BCOR: variants seen among roughly 807,000 people sequenced by gnomAD.
BCOR encodes BCL-6 corepressor.
Under a neutral mutation model 86.7 loss-of-function variants are expected in BCOR, and 10 were observed. The observed-to-expected ratio is 0.12, with a 90% CI of 0.07 to 0.20. The LOEUF (loss-of-function observed/expected upper bound fraction) is 0.20, where lower values mean the gene tolerates loss of function less well. Among genes scored for constraint, BCOR ranks in the 10% least tolerant of loss-of-function variants. The pLI is 1.00. For missense variants in BCOR, 1,259 were observed against 1,452.1 expected (o/e 0.87, Z 2.16); for synonymous variants, 611 against 609.0 (o/e 1.00, Z -0.05).
chrX:40,109,197 C>T (rs1937252236), intron 1 of BCOR, among the ~76,000 whole-genome samples: 1 of 112,159 alleles, frequency 8.9e-6, no homozygotes, highest in Admixed American at 9.2e-5. Context: ...CTCCCGGGTG[C>T]GCCCGGGAAC....
chrX:40,166,166 C>T (rs1049420317), intron 1 of BCOR, among the ~76,000 whole-genome samples: 2 of 111,894 alleles, frequency 1.8e-5, no homozygotes, highest in African/African-American at 3.3e-5. Flanking sequence ...CTTGTGATCT[C>T]CCATCTTGAT....
chrX:40,065,498 C>G (rs1935154411), intron 6 of BCOR, among the ~76,000 whole-genome samples: 1 of 112,136 alleles, frequency 8.9e-6, no homozygotes, highest in Admixed American at 9.4e-5. Flanking sequence ...CTTCCCATGC[C>G]AGGCCAGCGC....
At chrX:40,166,629 G>A (rs371700517) in intron 1 of BCOR, among the ~76,000 whole-genome samples, 1 of 112,520 alleles carries the variant, frequency 8.9e-6, no homozygotes, top group East Asian at 2.8e-4. Flanking sequence ...TGGCTCAGGT[G>A]GAAAGTGGGC....
At chrX:40,167,767 C>T (rs1283885442) in intron 1 of BCOR, among the ~76,000 whole-genome samples, 1 of 112,372 alleles carries the variant, frequency 8.9e-6, no homozygotes, top group African/African-American at 3.2e-5. Flanking sequence ...TAATAAAGGG[C>T]CACGGACTCC....
intron 1 of BCOR, among the ~76,000 whole-genome samples, chrX:40,130,088 G>A (rs1027700275): frequency 2.7e-5 from 3 of 110,876 alleles, no homozygotes; most frequent in East Asian, 2.8e-4. Flanking sequence ...ACCACCCTCC[G>A]GGCCTTCTCC....
intron 1 of BCOR, among the ~76,000 whole-genome samples, chrX:40,106,548 G>A (rs1420594370): frequency 1.1e-5 from 1 of 91,432 alleles, no homozygotes; most frequent in African/African-American, 4.0e-5. Flanking sequence ...CCGCGCTCCC[G>A]CCTCCCGCCC....
intron 1 of BCOR, among the ~76,000 whole-genome samples, chrX:40,107,974 GC>G (rs1385945141): frequency 8.8e-6 from 1 of 113,423 alleles, no homozygotes; most frequent in African/African-American, 3.2e-5. Context: ...TGTTTGTGTT[GC>G]CTTCTACAAG....
In BCOR at chrX:40,057,146, A is replaced by C. The variant is rs770555045; in HGVS notation, c.4595+9T>G. 5 of 1,209,062 alleles carry C rather than the reference A, an allele frequency of 4.1e-6. No homozygotes were observed. The African/African-American group carries it at 8.7e-5, about 21-fold the overall frequency. ...CAGAGCCAGGCTGAGAACAAGACACATCACTGACCTGGTTCCATCCTGGGC... is the reference window on the plus strand; with the variant it reads ...CAGAGCCAGGCTGAGAACAAGACACCTCACTGACCTGGTTCCATCCTGGGC... On this transcript the variant is annotated intron_variant, in intron 11 of 14. Transcript: ENST00000378444.
At chrX:40,173,888 G>A (rs1938685038) in intron 1 of BCOR, among the ~76,000 whole-genome samples, 1 of 113,136 alleles carries the variant, frequency 8.8e-6, no homozygotes, top group East Asian at 2.8e-4. Context: ...CGTATGGCAG[G>A]CCTTGTCCCT....
intron 1 of BCOR, among the ~76,000 whole-genome samples, chrX:40,109,629 G>A (rs1937263475): frequency 9.1e-6 from 1 of 110,429 alleles, no homozygotes; most frequent in African/African-American, 3.3e-5. Context: ...GCGGGGGTGC[G>A]GAGCCCCGGA....
intron 6 of BCOR, among the ~76,000 whole-genome samples, chrX:40,069,606 GGCACTCCCTCTTTTAGAA>G (rs1379077947): frequency 8.9e-6 from 1 of 112,457 alleles, no homozygotes; most frequent in Non-Finnish European, 1.9e-5. Flanking sequence ...TCTTATGTAT[GGCACTCCCTCTTTTAGAA>G]GCACCTTCCC....
intron 1 of BCOR, among the ~76,000 whole-genome samples, chrX:40,154,972 A>G (rs749859283): frequency 9.0e-6 from 1 of 110,876 alleles, no homozygotes; most frequent in East Asian, 2.9e-4. Flanking sequence ...GCGCACACAC[A>G]CACACGCACG....
intron 6 of BCOR, among the ~76,000 whole-genome samples, chrX:40,065,179 T>TG (rs1158630075): frequency 1.8e-5 from 2 of 111,783 alleles, no homozygotes; most frequent in African/African-American, 6.5e-5. Context: ...CCCTCACTCC[T>TG]GGGGGGCTCT....
chrX:40,057,619 T>C (rs1934664268), intron 10 of BCOR, among the ~76,000 whole-genome samples: 1 of 111,791 alleles, frequency 8.9e-6, no homozygotes, highest in Admixed American at 9.4e-5. Flanking sequence ...CAGAGGCTGC[T>C]AAGAAACTGT....
chrX:40,118,157 T>C (rs1456559940), intron 1 of BCOR, among the ~76,000 whole-genome samples: 1 of 110,089 alleles, frequency 9.1e-6, no homozygotes, highest in East Asian at 2.9e-4. Context: ...GGGGATCTTT[T>C]TGGGAGGCGG....
At chrX:40,114,633 T>C (rs1375680584) in intron 1 of BCOR, among the ~76,000 whole-genome samples, 1 of 111,576 alleles carries the variant, frequency 9.0e-6, no homozygotes, top group Non-Finnish European at 1.9e-5. Context: ...ATTGGAGTTC[T>C]CTGAATTCCA....
chrX:40,174,626 G>A (rs1403061658), intron 1 of BCOR, among the ~76,000 whole-genome samples: 1 of 112,686 alleles, frequency 8.9e-6, no homozygotes, highest in Non-Finnish European at 1.9e-5. Context: ...CCAGGCGGGA[G>A]TTTGCAAGGA....
chrX:40,171,632 A>G (rs1236707322), intron 1 of BCOR, among the ~76,000 whole-genome samples: 1 of 112,888 alleles, frequency 8.9e-6, no homozygotes, highest in Non-Finnish European at 1.9e-5. Context: ...GGCGTGGAGT[A>G]GGGGAGCAGG....
rs1934309399 is a variant in BCOR at position 40,051,775 on chromosome X, A to AAAT, written c.*331_*333dup. The AAAT allele has an allele frequency of 4.8e-6, 1 of 209,411 alleles. No homozygotes were observed. Among genetic ancestry groups the AAAT allele is most frequent in the African/African-American group, 2.9e-5 (1 of 34,451 alleles). The allele number at this position is 209,411 out of a possible 1,213,427, so 17.3% of individuals were successfully genotyped here. A position where few individuals can be genotyped will look rare whatever the true frequency, so the allele number is the denominator to read the frequency against. The stretch of plus-strand genomic sequence containing the variant: ...TGGCCTGTCATCAGAGCTTTGTATG[A>AAAT]AATTAAGTCAAAGTGTGGAGCTCCT... On this transcript the variant is annotated 3_prime_UTR_variant, in exon 15 of 15. Transcript: ENST00000378444.
Sources: gnomAD v4.1 joint callset for allele counts (sites outside exome capture counted in the v4.1 genomes callset) on GRCh38, gnomAD v4.1.1 for gene constraint, MANE v1.5 for transcripts, NCBI Gene and HGNC (gene_info 2026-07-23, HGNC 2026-07-21) for gene names.